The following ILRUN variants were observed in gnomAD, a reference collection of about 807,000 sequenced individuals.
ILRUN encodes inflammation and lipid regulator with UBA-like and NBR1-like domains, also known as protein ILRUN.
Under a neutral mutation model 33.8 loss-of-function variants are expected in ILRUN, and 3 were observed. The ratio of observed to expected loss-of-function variants is 0.09; its 90% CI spans 0.04 to 0.23. The LOEUF is 0.23. ILRUN is among the 10% of genes least tolerant of loss of function. ILRUN has a pLI of 1.00. For synonymous variants in ILRUN, 124 were observed against 138.9 expected, an observed-to-expected ratio of 0.89 and a Z score of 0.75; for missense variants, 210 against 375.1, an observed-to-expected ratio of 0.56 and a Z score of 3.64.
rs1331762014 is a variant in ILRUN, at chr6:34,589,526, G to T, written c.*1039C>A. 1.3e-5 allele frequency: 2 copies of T among 152,282 alleles called. No homozygotes were observed. Among genetic ancestry groups the T allele is most frequent in the African/African-American group, 4.8e-5 (2 of 41,468 alleles). The allele number at this position is 152,282 out of a possible 1,614,324, so 9.4% of individuals were successfully genotyped here. Reference sequence around the variant, plus strand: ...CAACTGAAGAGAAACAGGGAAAGGTGTTGTGTGACAACAGAGAAGCATGGG... The same window carrying T: ...CAACTGAAGAGAAACAGGGAAAGGTTTTGTGTGACAACAGAGAAGCATGGG... On this transcript the variant is annotated 3_prime_UTR_variant, in exon 5 of 5. Coordinates refer to ENST00000374023, the MANE Select transcript of ILRUN (RefSeq NM_024294.4).
chr6:34,600,902 A>C (rs1441631796), intron 4 of ILRUN, among the ~76,000 whole-genome samples: 1 of 152,250 alleles, frequency 6.6e-6, no homozygotes, highest in African/African-American at 2.4e-5. Flanking sequence ...AAGAGAACAC[A>C]GCATGCTTAG....
At position 34,605,758 on chromosome 6, in the gene ILRUN, T is replaced by C. The variant is rs58859764; in HGVS notation, c.861+797A>G. ...AATTTAAGGTGAACGCCAACATGAATTGAAGCCAGGACAGACCTAACAGTT... is the reference window on the plus strand; with the variant it reads ...AATTTAAGGTGAACGCCAACATGAACTGAAGCCAGGACAGACCTAACAGTT... On this transcript the variant is annotated intron_variant, in intron 4 of 4. Coordinates refer to ENST00000374023, the MANE Select transcript of ILRUN (RefSeq NM_024294.4). Among the ~76,000 whole-genome samples the C allele has an allele frequency of 1.8e-4, 27 of 152,356 alleles. No individual in the cohort carries two copies. The East Asian group carries it at 4.8e-3, about 27-fold the overall frequency.
At chr6:34,666,089 C>G (rs762349294) in intron 1 of ILRUN, among the ~76,000 whole-genome samples, 19 of 152,204 alleles carry the variant, frequency 1.2e-4, no homozygotes, top group Middle Eastern at 3.4e-3. Flanking sequence ...GGTAAACAAA[C>G]CTTAGCCAAA....
chr6:34,688,956 C>T (rs945117953), intron 1 of ILRUN, among the ~76,000 whole-genome samples: 4 of 145,802 alleles, frequency 2.7e-5, no homozygotes, highest in African/African-American at 1.0e-4. Flanking sequence ...AGTGAAACTC[C>T]ATCTCAAAAA....
chr6:34,638,234 AAAAC>A (rs536883597), intron 3 of ILRUN, among the ~76,000 whole-genome samples: 22 of 152,216 alleles, frequency 1.4e-4, no homozygotes, highest in South Asian at 1.0e-3. Context: ...AATGACCACC[AAAAC>A]AAACAATCAC....
At chr6:34,621,243 T>C (rs907682601) in intron 3 of ILRUN, among the ~76,000 whole-genome samples, 1 of 152,226 alleles carries the variant, frequency 6.6e-6, no homozygotes, top group Non-Finnish European at 1.5e-5. Context: ...GAATTAAGCA[T>C]TTAACCAGCC....
At position 34,587,288 on chromosome 6, in the gene ILRUN, T is replaced by C. The variant is rs990744957; in HGVS notation, c.*3277A>G. 6.6e-6 allele frequency: 1 copy of C among 152,588 alleles called. No homozygotes were observed. The highest frequency in any genetic ancestry group is 1.5e-5 in the Non-Finnish European group (1 of 68,038). The allele number at this position is 152,588 out of a possible 1,614,324, so 9.5% of individuals were successfully genotyped here. A position where few individuals can be genotyped will look rare whatever the true frequency, so the allele number is the denominator to read the frequency against. On this transcript the variant is annotated 3_prime_UTR_variant, in exon 5 of 5. Coordinates refer to ENST00000374023, the MANE Select transcript of ILRUN (RefSeq NM_024294.4). ...ACTCACCAACACACATGAAAACAGC[T>C]TTTTTTGGTGTGTGTGTTAATTTAA...
At chr6:34,692,658 G>T (rs184581880) in intron 1 of ILRUN, among the ~76,000 whole-genome samples, 62 of 152,118 alleles carry the variant, frequency 4.1e-4, no homozygotes, top group African/African-American at 1.3e-3. Context: ...ATATTGGCTG[G>T]ACACAGTGGC....
At chr6:34,627,760 A>G (rs541230862) in intron 3 of ILRUN, among the ~76,000 whole-genome samples, 1 of 149,002 alleles carries the variant, frequency 6.7e-6, no homozygotes, top group African/African-American at 2.5e-5. Flanking sequence ...CTGGAGTGCA[A>G]TGGCGTGATC....
chr6:34,634,048 C>G (rs4618513), intron 3 of ILRUN, among the ~76,000 whole-genome samples: 37,419 of 151,760 alleles, frequency 0.25, 4,687 homozygotes, highest in East Asian at 0.33. Flanking sequence ...TCACTTGAGC[C>G]GAGGAATGAG....
chr6:34,656,454 G>T (rs1762773865), intron 1 of ILRUN, among the ~76,000 whole-genome samples: 1 of 152,176 alleles, frequency 6.6e-6, no homozygotes, highest in South Asian at 2.1e-4. Context: ...AGTAAGCTGC[G>T]TTCATTACAG....
Position 34,696,458 on chromosome 6 carries a change from T to G in ILRUN, c.146A>C (p.Asp49Ala). 1 of 1,584,670 alleles carries G rather than the reference T, an allele frequency of 6.3e-7. No individual in the cohort carries two copies. The highest frequency in any genetic ancestry group is 8.6e-7 in the Non-Finnish European group (1 of 1,166,586). Residue 49 changes from aspartate (D) to alanine (A), a missense_variant, in exon 1 of 5, where the codon GAC (aspartate) becomes GCC (alanine). Transcript: ENST00000374023. ...LNPAGCAFFLDMTNWNLQAAI... is the reference protein window; with the variant it reads ...LNPAGCAFFLAMTNWNLQAAI... ...GGGGCCGGCTCACCAGTTGGTCATG[T>G]CCAGGAAGAAGGCGCAACCGGCAGG...
At position 34,634,011 on chromosome 6, in the gene ILRUN, G is replaced by A. The variant is rs150704917; in HGVS notation, c.511+12590C>T. On this transcript the variant is annotated intron_variant, in intron 3 of 4. Transcript: ENST00000374023. ...CTGGGAGCACATGCCTGTAATCCTA[G>A]CACTTTGGGAGGCAGAGGCAAAAAG... Among the ~76,000 whole-genome samples the A allele has an allele frequency of 2.4e-3, 367 of 152,116 alleles. 1 individual carries two copies. The highest frequency in any genetic ancestry group is 8.5e-3 in the African/African-American group (351 of 41,498).
chr6:34,614,975 G>A (rs773443741), intron 3 of ILRUN, among the ~76,000 whole-genome samples: 12 of 152,160 alleles, frequency 7.9e-5, no homozygotes, highest in Non-Finnish European at 1.3e-4. Flanking sequence ...GAAAGACTGA[G>A]AAATTGTCAC....
intron 4 of ILRUN, among the ~76,000 whole-genome samples, chr6:34,596,212 G>A (rs767243360): frequency 2.3e-4 from 35 of 152,190 alleles, no homozygotes; most frequent in Admixed American, 1.1e-3. Context: ...TGACTACTCC[G>A]GGAGGCTTGC....
At chr6:34,643,777 A>G (rs1354094461) in intron 3 of ILRUN, among the ~76,000 whole-genome samples, 1 of 152,222 alleles carries the variant, frequency 6.6e-6, no homozygotes, top group Non-Finnish European at 1.5e-5. Flanking sequence ...ATCTCGGCTC[A>G]TGGCAACCTC....
intron 3 of ILRUN, among the ~76,000 whole-genome samples, chr6:34,627,584 T>C (rs1762163588): frequency 2.0e-5 from 3 of 152,236 alleles, no homozygotes; most frequent in South Asian, 4.1e-4. Context: ...TGATATCTCA[T>C]AGTTGTTTTA....
At chr6:34,674,964 C>T (rs1269731380) in intron 1 of ILRUN, among the ~76,000 whole-genome samples, 1 of 151,908 alleles carries the variant, frequency 6.6e-6, no homozygotes, top group Admixed American at 6.6e-5. Context: ...ACTGGACATG[C>T]GCACCAATGC....
In ILRUN at chr6:34,626,464, G is replaced by A. The variant is rs567493651; in HGVS notation, c.512-19560C>T. On this transcript the variant is annotated intron_variant, in intron 3 of 4. Transcript: ENST00000374023. ...AGGGCTGGAATTACAGGCATGAGCC[G>A]CTTTGCCCGATCGTATTTTATTTTT... is the stretch of plus-strand genomic sequence containing the variant. Among the ~76,000 whole-genome samples the A allele has an allele frequency of 7.2e-5, 11 of 152,244 alleles. No homozygotes were observed. The South Asian group carries it at 1.7e-3, about 23-fold the overall frequency.
Sources: allele counts gnomAD v4.1 joint callset (sites outside exome capture counted in the v4.1 genomes callset), GRCh38; gene constraint gnomAD v4.1.1; transcripts MANE v1.5; gene names NCBI Gene and HGNC (gene_info 2026-07-23, HGNC 2026-07-21).